Variants in HECTD4 observed in about 807,000 individuals in gnomAD.
The protein encoded by HECTD4 is HECT domain E3 ubiquitin protein ligase 4, also known as probable E3 ubiquitin-protein ligase HECTD4.
HECTD4 carries 114 observed loss-of-function variants against 471.5 expected under a neutral mutation model. That is an observed-to-expected ratio of 0.24 (90% confidence interval 0.21 to 0.28). The LOEUF is 0.28. Ranked by LOEUF, HECTD4 falls within the 10% of genes least tolerant of loss-of-function variation. The pLI, the probability that HECTD4 is intolerant of heterozygous loss-of-function variation, is 1.00. For synonymous variants in HECTD4, 2,012 were observed against 2,256.0 expected (o/e 0.89, Z 3.07); for missense variants, 3,866 against 5,651.5 (o/e 0.68, Z 10.13).
chr12:112,206,304 G>C (rs2032578625), intron 52 of HECTD4, among the ~76,000 whole-genome samples: 1 of 152,010 alleles, frequency 6.6e-6, no homozygotes. Context: ...AGACCACCCT[G>C]AGGGATATAG....
chr12:112,222,345 C>T (rs1477242944), intron 44 of HECTD4, among the ~76,000 whole-genome samples: 1 of 152,218 alleles, frequency 6.6e-6, no homozygotes, highest in Non-Finnish European at 1.5e-5. Flanking sequence ...GCGTGAGCCA[C>T]AGCACCTGGC....
At chr12:112,229,601 C>T (rs2033323575) in intron 41 of HECTD4, 97 bp downstream of exon 41, 7 of 1,246,466 alleles carry the variant, frequency 5.6e-6, no homozygotes, top group Non-Finnish European at 7.9e-6. Context: ...TTTTGTACAG[C>T]TGGTTGGATA....
chr12:112,366,630 C>T (rs1245529209), intron 1 of HECTD4, among the ~76,000 whole-genome samples: 1 of 151,660 alleles, frequency 6.6e-6, no homozygotes, highest in Non-Finnish European at 1.5e-5. Context: ...CCTGTAATTC[C>T]AGCACTTTGG....
intron 7 of HECTD4, chr12:112,302,132 G>A (rs1268370665): frequency 1.8e-6 from 2 of 1,091,934 alleles, no homozygotes; most frequent in African/African-American, 1.5e-5. Context: ...AATGCAGTAA[G>A]GGACTCCCAT....
In HECTD4 at chr12:112,179,807, T is replaced by A. The variant is rs1452041507; in HGVS notation, c.10988-410A>T. Among the ~76,000 whole-genome samples the A allele has an allele frequency of 2.0e-5, 3 of 152,242 alleles. No individual in the cohort carries two copies. Among genetic ancestry groups the A allele is most frequent in the African/African-American group, 7.2e-5 (3 of 41,470 alleles). ...CCTGGGGCTATTTATCATAGCAGTT[T>A]AGTCTAGAATAATCCCAGAGGATAG... On this transcript the variant is annotated intron_variant, in intron 62 of 75. Coordinates refer to ENST00000682272, the MANE Select transcript of HECTD4 (RefSeq NM_001388303.1). This position sits in a 1 kb window ranked among gnomAD's most constrained non-coding sequence, Gnocchi z 4.3.
chr12:112,247,134 T>TAA, intron 28 of HECTD4, 58 bp from the exon 29 acceptor site: 1 of 1,314,834 alleles, frequency 7.6e-7, no homozygotes, highest in Non-Finnish European at 1.0e-6. Flanking sequence ...AAACAACTAT[T>TAA]AAAAAAAAAT....
chr12:112,354,699 AACACACACACAC>A lies in HECTD4; in HGVS notation c.177+27241_177+27252del, dbSNP rs897304388. On this transcript the variant is annotated intron_variant, in intron 1 of 75. Transcript: ENST00000682272. ...GACTGTCTCAACAAAACAAAACAAC[AACACACACACAC>A]ACACGCACGCACAAACACACATACA... Among the ~76,000 whole-genome samples the A allele has an allele frequency of 2.0e-5, 3 of 151,138 alleles. No homozygotes were observed. The East Asian group carries it at 5.8e-4, about 29-fold the overall frequency.
rs773065553 is a variant in HECTD4, at chr12:112,167,922, A to G, written c.12209-5T>C. ...GGAAGTGGCGGAAAGAGCCGCCTGT[A>G]GGACAGACGAGACACATGGGCACCT... On this transcript the variant is annotated splice_polypyrimidine_tract_variant and splice_region_variant and intron_variant, in intron 70 of 75. Transcript: ENST00000682272. The G allele has an allele frequency of 6.2e-7, 1 of 1,611,902 alleles. No individual in the cohort carries two copies. The highest frequency in any genetic ancestry group is 8.5e-7 in the Non-Finnish European group (1 of 1,178,462).
rs763898598 is a variant in HECTD4, at chr12:112,258,548, A to G, written c.3076T>C (p.Cys1026Arg). 6.2e-7 allele frequency: 1 copy of G among 1,606,396 alleles called. No individual in the cohort carries two copies. Among genetic ancestry groups the G allele is most frequent in the South Asian group, 1.1e-5 (1 of 89,972 alleles). Residue 1026 changes from cysteine to arginine, a missense_variant, in exon 20 of 76, where the codon TGT (cysteine) becomes CGT (arginine). Around this residue, in one of 16 missense-constraint regions of HECTD4, gnomAD observed 525 missense variants for 672.6 expected, o/e 0.78. Coordinates refer to ENST00000682272, the MANE Select transcript of HECTD4 (RefSeq NM_001388303.1). Reference protein sequence around the residue: ...TQCPVFAEVGCSPCGAPDQKC... With the variant: ...TQCPVFAEVGRSPCGAPDQKC... The stretch of plus-strand genomic sequence containing the variant: ...TGGTCTGGTGCACCACACGGGGAAC[A>G]GCCCACCTCAGCAAAAACCGGACAC...
At chr12:112,258,791 A>G (rs761685100) in intron 19 of HECTD4, 195 bp from the exon 20 acceptor site, 10 of 561,416 alleles carry the variant, frequency 1.8e-5, no homozygotes, top group Non-Finnish European at 2.1e-5. Flanking sequence ...CATCATTTAT[A>G]TTAGCTACTA....
Position 112,170,390 on chromosome 12 carries a change from T to G in HECTD4, c.11995A>C (p.Arg3999=). 6.2e-7 allele frequency: 1 copy of G among 1,614,028 alleles called. No homozygotes were observed. Among genetic ancestry groups the G allele is most frequent in the East Asian group, 2.2e-5 (1 of 44,896 alleles). Residue 3999 remains arginine (R), a synonymous_variant, in exon 69 of 76, where the codon AGG becomes CGG. Coordinates refer to ENST00000682272, the MANE Select transcript of HECTD4 (RefSeq NM_001388303.1). Reference sequence around the variant, plus strand: ...TCAGGGGCCGCGTGGTCCGCTGTCCTCTGCACAGTGGCATTCAGCACTCGA... The same window carrying G: ...TCAGGGGCCGCGTGGTCCGCTGTCCGCTGCACAGTGGCATTCAGCACTCGA... ...MNRVLNATVQ[R]TADHAAPEIT... is the part of the protein sequence containing the mutation.
At position 112,167,930 on chromosome 12, in the gene HECTD4, C is replaced by A; in HGVS notation, c.12209-13G>T. 1.9e-6 allele frequency: 3 copies of A among 1,608,176 alleles called. No individual in the cohort carries two copies. The highest frequency in any genetic ancestry group is 2.6e-6 in the Non-Finnish European group (3 of 1,175,118). ...CGGAAAGAGCCGCCTGTAGGACAGA[C>A]GAGACACATGGGCACCTGGGGTGTC... On this transcript the variant is annotated splice_polypyrimidine_tract_variant and intron_variant, in intron 70 of 75. Coordinates refer to ENST00000682272, the MANE Select transcript of HECTD4 (RefSeq NM_001388303.1).
At chr12:112,359,479 G>A (rs1386828060) in intron 1 of HECTD4, among the ~76,000 whole-genome samples, 1 of 152,182 alleles carries the variant, frequency 6.6e-6, no homozygotes, top group Non-Finnish European at 1.5e-5. Flanking sequence ...GAGTGCAGGG[G>A]AGTGATCTCA....
chr12:112,237,282 A>G (rs547749282), intron 34 of HECTD4, among the ~76,000 whole-genome samples, 184 bp from the exon 35 acceptor site: 5 of 152,206 alleles, frequency 3.3e-5, no homozygotes, highest in Non-Finnish European at 7.3e-5. Context: ...AAATAACTCA[A>G]TGTGGGGGGT....
At chr12:112,302,713 C>G in intron 7 of HECTD4, 1 of 432,738 alleles carries the variant, frequency 2.3e-6, no homozygotes, top group Non-Finnish European at 4.1e-6. Flanking sequence ...AACTTTTTCT[C>G]ATTTTTAATC....
intron 1 of HECTD4, among the ~76,000 whole-genome samples, chr12:112,327,066 G>A (rs190160158): frequency 4.9e-4 from 74 of 152,250 alleles, no homozygotes; most frequent in Admixed American, 3.7e-3. Flanking sequence ...GGTGGCTCAC[G>A]CCTGTAATCC....
chr12:112,262,462 G>A (rs2034168388), intron 17 of HECTD4, among the ~76,000 whole-genome samples: 1 of 127,468 alleles, frequency 7.8e-6, no homozygotes, highest in Admixed American at 9.5e-5. Flanking sequence ...GTTGCAGTGA[G>A]CCGAGATTGC....
intron 1 of HECTD4, among the ~76,000 whole-genome samples, chr12:112,367,482 A>C (rs1036182533): frequency 6.6e-6 from 1 of 152,092 alleles, no homozygotes; most frequent in Non-Finnish European, 1.5e-5. Context: ...ATTTAGGTTC[A>C]GAACCCCTGA....
chr12:112,190,380 C>T (rs1426587006), intron 60 of HECTD4, among the ~76,000 whole-genome samples: 1 of 152,214 alleles, frequency 6.6e-6, no homozygotes, highest in Admixed American at 6.5e-5. Context: ...TTACATTTAT[C>T]ATTCCATGAG....
Sources: allele counts gnomAD v4.1 joint callset (sites outside exome capture counted in the v4.1 genomes callset), GRCh38; gene constraint gnomAD v4.1.1; regional missense constraint gnomAD v4.1.1; non-coding constraint Gnocchi (gnomAD v3.1); transcripts MANE v1.5; gene names NCBI Gene and HGNC (gene_info 2026-07-23, HGNC 2026-07-21).